CEP350: variants seen among roughly 807,000 people sequenced by gnomAD.
The protein encoded by CEP350 is centrosome-associated protein 350.
In CEP350, 126 loss-of-function variants were observed where a neutral mutation model predicts 331.8. The observed-to-expected ratio is 0.38, with a 90% CI of 0.33 to 0.44. The LOEUF is 0.44. Among genes scored for constraint, CEP350 ranks in the 20% least tolerant of loss-of-function variants. The probability of loss-of-function intolerance (pLI) is 1.00; values close to 1 mark genes in which losing one functional copy is unlikely to be tolerated. For synonymous variants in CEP350, 1,200 were observed against 1,259.5 expected, an observed-to-expected ratio of 0.95 and a Z score of 1.00; for missense variants, 3,406 against 3,634.6, an observed-to-expected ratio of 0.94 and a Z score of 1.62.
chr1:180,002,245 G>A (rs948531527), intron 6 of CEP350, among the ~76,000 whole-genome samples: 24 of 152,140 alleles, frequency 1.6e-4, no homozygotes, highest in African/African-American at 4.1e-4. Context: ...AGACCAAGGC[G>A]GGTGGATCAC....
intron 1 of CEP350, chr1:179,968,784 C>T (rs1651209471): frequency 4.5e-6 from 3 of 672,994 alleles, no homozygotes; most frequent in East Asian, 3.0e-5. Context: ...GTAATGGCAT[C>T]TACATCATAA....
chr1:179,986,348 T>C (rs1652644935), intron 2 of CEP350, 94 bp downstream of exon 2: 4 of 740,900 alleles, frequency 5.4e-6, no homozygotes, highest in South Asian at 4.1e-5. Context: ...ACCTATGCTT[T>C]GATTTATAGA....
intron 37 of CEP350, among the ~76,000 whole-genome samples, chr1:180,101,996 A>G (rs753372458): frequency 1.3e-5 from 2 of 152,174 alleles, no homozygotes; most frequent in African/African-American, 2.4e-5. Context: ...TGAAAGCTTC[A>G]TGACATCAGC....
At chr1:180,061,434 T>A (rs892641393) in intron 25 of CEP350, among the ~76,000 whole-genome samples, 1 of 152,196 alleles carries the variant, frequency 6.6e-6, no homozygotes, top group Non-Finnish European at 1.5e-5. Context: ...GCTCAAGTGA[T>A]CTGCCTGCCT....
chr1:179,996,014 A>G (rs1653433696), intron 5 of CEP350, among the ~76,000 whole-genome samples: 1 of 152,188 alleles, frequency 6.6e-6, no homozygotes, highest in African/African-American at 2.4e-5. Context: ...TTTATTGACA[A>G]ATGTCAAGTG....
At chr1:180,048,479 G>A in intron 21 of CEP350, 57 bp from the exon 22 acceptor site, 3 of 1,136,320 alleles carry the variant, frequency 2.6e-6, no homozygotes, top group Non-Finnish European at 3.9e-6. Context: ...TTACTTTGAA[G>A]CTATAATCCT....
rs774227294 is a variant in CEP350 at position 180,048,619 on chromosome 1, TAGAG to T, written c.4709_4712del (p.Glu1570ValfsTer38). ...GAGAAGAAACTTAATGGTGAAAAGA[TAGAG>T]AGTTCCATTGATGAACAGGTTCAGA... On this transcript the variant is annotated frameshift_variant, in exon 22 of 38. Transcript: ENST00000367607. LOFTEE classifies it high-confidence loss of function. 1.9e-6 allele frequency: 3 copies of T among 1,610,360 alleles called. No individual in the cohort carries two copies. The Admixed American group carries it at 5.0e-5, about 27-fold the overall frequency.
At chr1:180,105,468 A>G (rs998673748) in intron 37 of CEP350, among the ~76,000 whole-genome samples, 1 of 152,134 alleles carries the variant, frequency 6.6e-6, no homozygotes, top group African/African-American at 2.4e-5. Flanking sequence ...TTGGATGTCT[A>G]TTAGACATCT....
Position 180,005,069 on chromosome 1 carries a change from TTTTC to T in CEP350, c.1133-1377_1133-1374del, listed in dbSNP as rs559752372. Among the ~76,000 whole-genome samples, 56 of 151,250 alleles carry T rather than the reference TTTTC, an allele frequency of 3.7e-4. No individual in the cohort carries two copies. The South Asian group carries it at 0.011, about 31-fold the overall frequency. On this transcript the variant is annotated intron_variant, in intron 7 of 37. Coordinates refer to ENST00000367607, the MANE Select transcript of CEP350 (RefSeq NM_014810.5). ...ATCCCCCTCCCTCTACTCACTCTAT[TTTTC>T]TTTCTTTTTTTTTACAGCTTATCTA...
rs1470008482 is a variant in CEP350 at position 180,092,727 on chromosome 1, G to C, written c.6622G>C (p.Val2208Leu). The change falls in exon 34 of 38, where the codon GTT (valine) becomes CTT (leucine). Residue 2208 changes from valine to leucine, a missense_variant. This residue lies in a region of CEP350 where 1,415 missense variants were observed against 1,512.3 expected (regional missense o/e 0.94). Transcript: ENST00000367607. ...AGAAGATTTTCAGACCCCATCTCCAGTTCTCAGATCATCAAGGAAAATCAG... is the reference window on the plus strand; with the variant it reads ...AGAAGATTTTCAGACCCCATCTCCACTTCTCAGATCATCAAGGAAAATCAG... ...RTEDFQTPSP[V>L]LRSSRKIREE... is the part of the protein sequence containing the mutation. The C allele has an allele frequency of 1.1e-5, 17 of 1,609,702 alleles. No homozygotes were observed. Among genetic ancestry groups the C allele is most frequent in the Non-Finnish European group, 1.4e-5 (17 of 1,177,544 alleles).
intron 8 of CEP350, among the ~76,000 whole-genome samples, chr1:180,011,235 A>G (rs1654634873): frequency 6.6e-6 from 1 of 152,224 alleles, no homozygotes; most frequent in Admixed American, 6.5e-5. Context: ...ATATTATGTG[A>G]AAGTCCCTGT....
rs144655520 is a variant in CEP350 at position 179,981,818 on chromosome 1, T to C, written c.-13-4351T>C. ...TTTGAGGCCAGCCTGGGCAACATAG[T>C]GAGACCTCATCTCTATAAAAATAAA... On this transcript the variant is annotated intron_variant, in intron 1 of 37. Transcript: ENST00000367607. Among the ~76,000 whole-genome samples the C allele has an allele frequency of 2.6e-5, 4 of 151,944 alleles. No individual in the cohort carries two copies. The East Asian group carries it at 7.8e-4, about 29-fold the overall frequency.
chr1:180,003,326 A>T, intron 7 of CEP350, 39 bp downstream of exon 7: 1 of 1,234,466 alleles, frequency 8.1e-7, no homozygotes, highest in South Asian at 1.4e-5. Context: ...GTATTTTGTC[A>T]TACATGCTAT....
chr1:180,097,106 A>G (rs1660524606), intron 36 of CEP350, among the ~76,000 whole-genome samples: 1 of 152,256 alleles, frequency 6.6e-6, no homozygotes, highest in Admixed American at 6.5e-5. Flanking sequence ...ACACCAACAG[A>G]TATTTATGAG....
At chr1:179,972,893 G>C (rs1377184885) in intron 1 of CEP350, among the ~76,000 whole-genome samples, 1 of 145,218 alleles carries the variant, frequency 6.9e-6, no homozygotes, top group Non-Finnish European at 1.5e-5. Flanking sequence ...TTTTGAAACA[G>C]AGTCTCATTC....
chr1:179,955,740 A>G (rs1650127792), intron 1 of CEP350, among the ~76,000 whole-genome samples: 2 of 152,246 alleles, frequency 1.3e-5, no homozygotes, highest in African/African-American at 4.8e-5. Flanking sequence ...CAAGATATGA[A>G]TTGGAATTTG....
chr1:180,037,411 G>GTT (rs746011276), intron 17 of CEP350, among the ~76,000 whole-genome samples: 12 of 139,790 alleles, frequency 8.6e-5, no homozygotes, highest in East Asian at 8.1e-4. Context: ...AATACTGAGG[G>GTT]TTTTTTTTTT....
intron 1 of CEP350, 99 bp downstream of exon 1, chr1:179,955,241 G>C: frequency 8.9e-7 from 1 of 1,119,142 alleles, no homozygotes; most frequent in African/African-American, 1.7e-5. Context: ...AAGAGAGGCG[G>C]GGCCGGGCGC....
intron 1 of CEP350, among the ~76,000 whole-genome samples, chr1:179,975,619 A>T (rs995549490): frequency 6.6e-6 from 1 of 152,234 alleles, no homozygotes; most frequent in Admixed American, 6.5e-5. Context: ...ATAACTAAGT[A>T]TATGATGGAA....
Sources: gnomAD v4.1 joint callset for allele counts (sites outside exome capture counted in the v4.1 genomes callset) on GRCh38, gnomAD v4.1.1 for gene constraint, gnomAD v4.1.1 regional missense constraint, MANE v1.5 for transcripts, NCBI Gene and HGNC (gene_info 2026-07-23, HGNC 2026-07-21) for gene names.